The following SNAP91 variants were observed in gnomAD, a reference collection of about 807,000 sequenced individuals.
SNAP91 encodes synaptosome associated protein 91.
In SNAP91, 27 loss-of-function variants were observed where a neutral mutation model predicts 100.3. The ratio of observed to expected loss-of-function variants is 0.27; its 90% CI spans 0.20 to 0.37. The LOEUF (loss-of-function observed/expected upper bound fraction) is 0.37. SNAP91 is among the 10% of genes least tolerant of loss of function. The pLI, the probability that SNAP91 is intolerant of heterozygous loss-of-function variation, is 1.00. For missense variants in SNAP91, 986 were observed against 1,123.7 expected (o/e 0.88, Z 1.75); for synonymous variants, 404 against 398.6 (o/e 1.01, Z -0.16).
Position 83,556,250 on chromosome 6 carries a change from T to G in SNAP91, c.2632-5A>C. On this transcript the variant is annotated splice_region_variant and splice_polypyrimidine_tract_variant and intron_variant, in intron 28 of 29. Coordinates refer to ENST00000369694, the MANE Select transcript of SNAP91 (RefSeq NM_001242792.2). ...AGGTGTAGGGCTTGGAGAAAGCTAA[T>G]GGGAAAAAGCCAGCCCCAAAGAGCA... The G allele has an allele frequency of 6.8e-7, 1 of 1,464,680 alleles. No individual in the cohort carries two copies. The highest frequency in any genetic ancestry group is 9.1e-7 in the Non-Finnish European group (1 of 1,098,260). The allele number at this position is 1,464,680 out of a possible 1,614,324, so 90.7% of individuals were successfully genotyped here. A position where few individuals can be genotyped will look rare whatever the true frequency, so the allele number is the denominator to read the frequency against.
At chr6:83,639,151 A>T (rs2097575059) in intron 8 of SNAP91, among the ~76,000 whole-genome samples, 1 of 152,176 alleles carries the variant, frequency 6.6e-6, no homozygotes, top group South Asian at 2.1e-4. Context: ...TATTTTGAAA[A>T]TCATATTCTA....
chr6:83,624,927 G>A (rs1048536856), intron 8 of SNAP91, among the ~76,000 whole-genome samples: 3 of 151,960 alleles, frequency 2.0e-5, no homozygotes, highest in Non-Finnish European at 2.9e-5. Context: ...GGGTACAAGT[G>A]CAGATTTGTT....
chr6:83,559,256 G>A (rs1412725917), intron 28 of SNAP91, among the ~76,000 whole-genome samples: 1 of 152,154 alleles, frequency 6.6e-6, no homozygotes. Context: ...AGGGGTTGAA[G>A]ATTGAGTTCC....
At chr6:83,637,837 T>C (rs2097527124) in intron 8 of SNAP91, among the ~76,000 whole-genome samples, 1 of 152,228 alleles carries the variant, frequency 6.6e-6, no homozygotes, top group Non-Finnish European at 1.5e-5. Context: ...CTCAGCACGA[T>C]ACTCGTGGGC....
In SNAP91 at chr6:83,708,927, C is replaced by A. The variant is rs1487402694; in HGVS notation, c.-113G>T. ...AAGCCGCGCCGGTGGATGTGTGCGA[C>A]CGCGCGTAGCCCCGGTGCCCCCGGG... On this transcript the variant is annotated 5_prime_UTR_variant, in exon 1 of 30. Transcript: ENST00000369694. The A allele has an allele frequency of 6.6e-6, 1 of 152,008 alleles. No individual in the cohort carries two copies. The highest frequency in any genetic ancestry group is 2.4e-5 in the African/African-American group (1 of 41,396). The allele number at this position is 152,008 out of a possible 1,614,324, so 9.4% of individuals were successfully genotyped here.
intron 2 of SNAP91, among the ~76,000 whole-genome samples, chr6:83,672,902 C>A (rs2098808231): frequency 6.6e-6 from 1 of 152,008 alleles, no homozygotes; most frequent in Admixed American, 6.6e-5. Context: ...CTGTAAAACC[C>A]CACTAGTACA....
At chr6:83,597,986 A>G (rs767211893) in intron 16 of SNAP91, among the ~76,000 whole-genome samples, 6 of 152,200 alleles carry the variant, frequency 3.9e-5, no homozygotes, top group Non-Finnish European at 8.8e-5. Context: ...CTTTGGTTTA[A>G]TGTTTGCAGA....
rs540707457 is a variant in SNAP91 at position 83,591,627 on chromosome 6, A to AT, written c.1931-334dup. On this transcript the variant is annotated intron_variant, in intron 21 of 29. Transcript: ENST00000369694. ...TTTTACCTAAAGGTAATAAAACAGA[A>AT]TTTTTCCATTTAGAATTCTATTAAA... is the stretch of plus-strand genomic sequence containing the variant. Among the ~76,000 whole-genome samples, 521 of 152,318 alleles carry AT rather than the reference A, an allele frequency of 3.4e-3. 4 individuals are homozygous for AT. Among genetic ancestry groups the AT allele is most frequent in the Middle Eastern group, 0.01 (3 of 294 alleles).
At chr6:83,658,866 C>A in intron 6 of SNAP91, 133 bp downstream of exon 6, 1 of 671,040 alleles carries the variant, frequency 1.5e-6, no homozygotes, top group Non-Finnish European at 2.5e-6. Flanking sequence ...AGCTTAACAG[C>A]CTGAACTAAG....
intron 13 of SNAP91, among the ~76,000 whole-genome samples, chr6:83,606,607 G>C (rs1012652476): frequency 6.6e-6 from 1 of 152,188 alleles, no homozygotes; most frequent in African/African-American, 2.4e-5. Flanking sequence ...GAGGAGCACT[G>C]GCTTAAAAGT....
intron 28 of SNAP91, 130 bp downstream of exon 28, chr6:83,559,974 C>A: frequency 1.4e-6 from 1 of 739,866 alleles, no homozygotes; most frequent in Non-Finnish European, 2.3e-6. Flanking sequence ...GTCTTCCAAG[C>A]TCCCTTTACT....
chr6:83,566,631 T>C (rs1306185035), intron 26 of SNAP91, among the ~76,000 whole-genome samples: 1 of 152,176 alleles, frequency 6.6e-6, no homozygotes, highest in Non-Finnish European at 1.5e-5. Context: ...AGATTAACTC[T>C]TACATTCAGT....
intron 2 of SNAP91, among the ~76,000 whole-genome samples, chr6:83,686,532 T>C (rs2099063133): frequency 6.6e-6 from 1 of 152,222 alleles, no homozygotes; most frequent in Non-Finnish European, 1.5e-5. Flanking sequence ...ATTCAGCTAA[T>C]AAATTACTGA....
chr6:83,639,660 A>G (rs998169693), intron 8 of SNAP91, among the ~76,000 whole-genome samples: 11 of 152,178 alleles, frequency 7.2e-5, no homozygotes, highest in Admixed American at 2.0e-4. Flanking sequence ...ATTGACACAT[A>G]AGTAGAACTT....
At chr6:83,660,478 A>G (rs766323889) in intron 5 of SNAP91, among the ~76,000 whole-genome samples, 7 of 152,194 alleles carry the variant, frequency 4.6e-5, no homozygotes, top group Non-Finnish European at 1.0e-4. Context: ...TAAAGCTGCT[A>G]TAGTACCTTG....
At chr6:83,571,747 G>C (rs1403220077) in intron 26 of SNAP91, among the ~76,000 whole-genome samples, 2 of 152,182 alleles carry the variant, frequency 1.3e-5, no homozygotes, top group Non-Finnish European at 2.9e-5. Flanking sequence ...GACTGGTTTT[G>C]AAATGTGAAG....
At chr6:83,644,039 T>C (rs1397151245) in intron 7 of SNAP91, among the ~76,000 whole-genome samples, 1 of 152,182 alleles carries the variant, frequency 6.6e-6, no homozygotes, top group Non-Finnish European at 1.5e-5. Flanking sequence ...GTTCTCTCTT[T>C]CTACAACAAT....
chr6:83,701,540 G>A (rs1194363812), intron 2 of SNAP91, among the ~76,000 whole-genome samples: 2 of 151,572 alleles, frequency 1.3e-5, no homozygotes, highest in Non-Finnish European at 2.9e-5. Context: ...TCCGCCTCTC[G>A]GGTTCAAGCA....
intron 2 of SNAP91, among the ~76,000 whole-genome samples, chr6:83,678,533 GT>G (rs1300837865): frequency 1.3e-5 from 2 of 152,128 alleles, no homozygotes; most frequent in Non-Finnish European, 2.9e-5. Flanking sequence ...TGAAACTTAT[GT>G]TTCCTAAAAA....
Sources: gnomAD v4.1 joint callset for allele counts (sites outside exome capture counted in the v4.1 genomes callset) on GRCh38, gnomAD v4.1.1 for gene constraint, MANE v1.5 for transcripts, NCBI Gene and HGNC (gene_info 2026-07-23, HGNC 2026-07-21) for gene names.